Variants in PADI2 observed in about 807,000 individuals in gnomAD.
PADI2 encodes peptidyl arginine deiminase 2.
Under a neutral mutation model 81.1 loss-of-function variants are expected in PADI2, and 70 were observed. The ratio of observed to expected loss-of-function variants is 0.86; its 90% CI spans 0.71 to 1.05. PADI2 has a LOEUF of 1.05. Ranked by LOEUF, PADI2 falls within the 50% of genes least tolerant of loss-of-function variation. The pLI is 0.00. For missense variants in PADI2, 853 were observed against 889.9 expected, an observed-to-expected ratio of 0.96 and a Z score of 0.53; for synonymous variants, 338 against 358.0, an observed-to-expected ratio of 0.94 and a Z score of 0.63.
At chr1:17,071,610 C>A in intron 13 of PADI2, 119 bp from the exon 14 acceptor site, 1 of 774,510 alleles carries the variant, frequency 1.3e-6, no homozygotes, top group South Asian at 1.6e-5. Flanking sequence ...GGAGATGGGA[C>A]TGGGGAGAGG....
At chr1:17,069,792 C>T (rs1455449018) in intron 15 of PADI2, among the ~76,000 whole-genome samples, 1 of 152,234 alleles carries the variant, frequency 6.6e-6, no homozygotes, top group Non-Finnish European at 1.5e-5. Flanking sequence ...AGACTCCCCT[C>T]TATGTAACAG....
At position 17,090,581 on chromosome 1, in the gene PADI2, T is replaced by TTGTGTGTGTGTGTGTG. The variant is rs3036949; in HGVS notation, c.655+1811_655+1826dup. Among the ~76,000 whole-genome samples, 1,186 of 142,846 alleles carry TTGTGTGTGTGTGTGTG rather than the reference T, an allele frequency of 8.3e-3. 12 individuals carry two copies. The highest frequency in any genetic ancestry group is 0.021 in the Middle Eastern group (6 of 280). 93.7% of individuals were successfully genotyped at this position (142,846 alleles called of 152,430 possible). On this transcript the variant is annotated intron_variant, in intron 6 of 15. Transcript: ENST00000375486. Reference sequence around the variant, plus strand: ...TGGTCAATTATCTGTCGTCCTTTGCTTGTGTGTGTGTGTGTGTGTGTGTGT... The same window carrying TTGTGTGTGTGTGTGTG: ...TGGTCAATTATCTGTCGTCCTTTGCTTGTGTGTGTGTGTGTGTGTGTGTGTGTGTGTGTGTGTGTGT...
chr1:17,117,200 C>G (rs1325605973), intron 1 of PADI2, among the ~76,000 whole-genome samples: 1 of 152,160 alleles, frequency 6.6e-6, no homozygotes, highest in African/African-American at 2.4e-5. Flanking sequence ...GAGATGCACT[C>G]AATCTACGCT....
intron 8 of PADI2, 84 bp downstream of exon 8, chr1:17,084,515 G>T: frequency 1.3e-6 from 1 of 755,620 alleles, no homozygotes; most frequent in Non-Finnish European, 2.2e-6. Flanking sequence ...TAAGTGACGG[G>T]GCCAGGAACT....
intron 5 of PADI2, 41 bp from the exon 6 acceptor site, chr1:17,092,574 C>G: frequency 6.6e-7 from 1 of 1,507,900 alleles, no homozygotes; most frequent in Admixed American, 2.2e-5. Flanking sequence ...CTATCTGTTG[C>G]TGGAGCCTCA....
At chr1:17,117,261 A>T (rs1201209465) in intron 1 of PADI2, among the ~76,000 whole-genome samples, 1 of 152,220 alleles carries the variant, frequency 6.6e-6, no homozygotes, top group African/African-American at 2.4e-5. Context: ...ACTTAGCATG[A>T]AAAAAGGAAG....
In PADI2 at chr1:17,074,883, C is replaced by A. The variant is rs368695252; in HGVS notation, c.1522G>T (p.Gly508Cys). The change falls in exon 13 of 16, where the codon GGC (glycine) becomes TGC (cysteine). Residue 508 changes from glycine to cysteine, a missense_variant. Coordinates refer to ENST00000375486, the MANE Select transcript of PADI2 (RefSeq NM_007365.3). ...YKLFREKQKD[G>C]HGEAIMFKGL... ...TTGAACATGATGGCCTCTCCATGGC[C>A]GTCCTTCTGCTTCTCTCGGAAGAGC... is the stretch of plus-strand genomic sequence containing the variant. The A allele has an allele frequency of 2.5e-6, 4 of 1,612,590 alleles. No homozygotes were observed. The African/African-American group carries it at 5.3e-5, about 22-fold the overall frequency.
At chr1:17,078,351 T>A (rs2078320108) in intron 11 of PADI2, among the ~76,000 whole-genome samples, 1 of 152,152 alleles carries the variant, frequency 6.6e-6, no homozygotes. Flanking sequence ...CCTCAGGTGA[T>A]CCACCCGCCT....
In PADI2 at chr1:17,107,877, AG is replaced by A. The variant is rs1931441399; in HGVS notation, c.93-2817del. 2.6e-5 allele frequency among the ~76,000 whole-genome samples: 4 copies of A among 151,670 alleles called. No individual in the cohort carries two copies. In the South Asian group the frequency reaches 8.4e-4, roughly 32 times the overall value. Reference sequence around the variant, plus strand: ...TGTCCTGCCCCCTTCCAAACTCCACAGCCTGTCCTGGGATGATGTGAGACTG... The same window carrying A: ...TGTCCTGCCCCCTTCCAAACTCCACACCTGTCCTGGGATGATGTGAGACTG... On this transcript the variant is annotated intron_variant, in intron 1 of 15. Coordinates refer to ENST00000375486, the MANE Select transcript of PADI2 (RefSeq NM_007365.3).
intron 13 of PADI2, among the ~76,000 whole-genome samples, chr1:17,073,951 C>T (rs1252475681): frequency 2.0e-5 from 3 of 152,200 alleles, no homozygotes; most frequent in African/African-American, 7.2e-5. Context: ...CTGACAACCA[C>T]GATGTCTGAC....
intron 1 of PADI2, among the ~76,000 whole-genome samples, chr1:17,106,684 C>T (rs1479868665): frequency 6.6e-6 from 1 of 152,054 alleles, no homozygotes; most frequent in Non-Finnish European, 1.5e-5. Context: ...CTCAGGTGAT[C>T]CACCCACCTC....
chr1:17,091,838 T>C (rs552154991), intron 6 of PADI2, among the ~76,000 whole-genome samples: 1 of 152,284 alleles, frequency 6.6e-6, no homozygotes, highest in South Asian at 2.1e-4. Flanking sequence ...TTGTGTTTAC[T>C]GCAGAGATCT....
At chr1:17,105,162 G>T in intron 1 of PADI2, 101 bp from the exon 2 acceptor site, 1 of 784,232 alleles carries the variant, frequency 1.3e-6, no homozygotes, top group Non-Finnish European at 1.9e-6. Flanking sequence ...GGAGGTCAAA[G>T]CCCGAGAATC....
rs1326434480 is a variant in PADI2 at position 17,075,771 on chromosome 1, G to T, written c.1363C>A (p.Gln455Lys). ...KVVRDFLKAQ[Q>K]VQAPVELYSD... is the part of the protein sequence containing the mutation. ...TAGAGCTCCACGGGCGCCTGCACCT[G>T]CTGGGCCTTCAGGAAGTCACGCACC... Residue 455 changes from glutamine to lysine, a missense_variant, in exon 12 of 16, where the codon CAG (glutamine) becomes AAG (lysine). Physicochemically the swap from Gln to Lys is moderately conservative, Grantham distance 53. Transcript: ENST00000375486. 3 of 1,613,908 alleles carry T rather than the reference G, an allele frequency of 1.9e-6. No homozygotes were observed. Among genetic ancestry groups the T allele is most frequent in the Non-Finnish European group, 2.5e-6 (3 of 1,179,818 alleles).
intron 9 of PADI2, chr1:17,082,896 G>C (rs1570984331): frequency 2.5e-6 from 1 of 402,088 alleles, no homozygotes; most frequent in East Asian, 5.2e-5. Flanking sequence ...TTTGAGACAG[G>C]GTCTCACTCT....
intron 10 of PADI2, among the ~76,000 whole-genome samples, chr1:17,082,320 C>G (rs533191510): frequency 6.0e-4 from 92 of 152,224 alleles, no homozygotes; most frequent in African/African-American, 2.2e-3. Context: ...CCCTTAGTTC[C>G]CATTTCCCAC....
In PADI2 at chr1:17,068,860, A is replaced by G; in HGVS notation, c.*184T>C. 1.6e-6 allele frequency: 1 copy of G among 606,348 alleles called. No individual in the cohort carries two copies. The highest frequency in any genetic ancestry group is 2.9e-6 in the Non-Finnish European group (1 of 339,678). 37.6% of individuals were successfully genotyped at this position (606,348 alleles called of 1,614,324 possible). On this transcript the variant is annotated 3_prime_UTR_variant, in exon 16 of 16. Transcript: ENST00000375486. ...GGGACAGAGTCGAGGCTCACTGGGG[A>G]TGGCTTCAGAGGACACTGAGGCCCC... is the stretch of plus-strand genomic sequence containing the variant.
Position 17,082,554 on chromosome 1 carries a change from C to T in PADI2, c.1149G>A (p.Lys383=). The part of the protein sequence containing the change: ...RDGNLKDFPV[K]ELLGPDFGYV... ...GCCCTCAGCATCTTACCAGGAGCTC[C>T]TTCACAGGGAAGTCCTTTAGGTTTC... is the stretch of plus-strand genomic sequence containing the variant. The change falls in exon 10 of 16, where the codon AAG becomes AAA. Residue 383 remains lysine, a synonymous_variant. Coordinates refer to ENST00000375486, the MANE Select transcript of PADI2 (RefSeq NM_007365.3). 6.2e-7 allele frequency: 1 copy of T among 1,607,196 alleles called. No individual in the cohort carries two copies. The highest frequency in any genetic ancestry group is 1.1e-5 in the South Asian group (1 of 90,950).
chr1:17,111,106 G>T (rs1482861978), intron 1 of PADI2, among the ~76,000 whole-genome samples: 25 of 27,072 alleles, frequency 9.2e-4, no homozygotes, highest in Admixed American at 1.3e-3. Flanking sequence ...TTTTTTTTTT[G>T]GGACGGAGTC....
Sources: gnomAD v4.1 joint callset for allele counts (sites outside exome capture counted in the v4.1 genomes callset) on GRCh38, gnomAD v4.1.1 for gene constraint, MANE v1.5 for transcripts, NCBI Gene and HGNC (gene_info 2026-07-23, HGNC 2026-07-21) for gene names.